SPAG16: variants seen among roughly 807,000 people sequenced by gnomAD.
SPAG16 encodes the protein sperm-associated antigen 16 protein.
A neutral mutation model predicts 80.4 loss-of-function variants in SPAG16; 86 were observed. That is an observed-to-expected ratio of 1.07 (90% CI 0.90 to 1.28). The LOEUF (loss-of-function observed/expected upper bound fraction) is 1.28, where lower values mean the gene tolerates loss of function less well. SPAG16 is among the 50% of genes most tolerant of loss of function. The pLI is 0.00. For missense variants in SPAG16, 870 were observed against 765.3 expected (o/e 1.14, Z -1.61); for synonymous variants, 294 against 265.9 (o/e 1.11, Z -1.03).
chr2:214,299,782 A>G (rs149171052), intron 15 of SPAG16, among the ~76,000 whole-genome samples: 1 of 152,162 alleles, frequency 6.6e-6, no homozygotes, highest in Middle Eastern at 3.2e-3. Flanking sequence ...AGATTACTCA[A>G]GTCAATGATT....
chr2:214,033,409 A>G (rs2048524766), intron 13 of SPAG16, among the ~76,000 whole-genome samples: 1 of 152,190 alleles, frequency 6.6e-6, no homozygotes, highest in African/African-American at 2.4e-5. Context: ...ATCTGATTAT[A>G]TTTTCGAAGA....
intron 10 of SPAG16, among the ~76,000 whole-genome samples, chr2:213,791,311 C>A (rs772033558): frequency 9.9e-5 from 15 of 151,790 alleles, no homozygotes; most frequent in Admixed American, 1.3e-4. Flanking sequence ...AACATAAATC[C>A]TTTGCATATA....
intron 10 of SPAG16, among the ~76,000 whole-genome samples, chr2:213,650,235 A>G (rs2062972975): frequency 6.6e-6 from 1 of 152,214 alleles, no homozygotes; most frequent in African/African-American, 2.4e-5. Context: ...CAGTGGACAC[A>G]TTATAGTCAC....
intron 5 of SPAG16, among the ~76,000 whole-genome samples, chr2:213,318,586 T>C (rs2063496400): frequency 6.6e-6 from 1 of 151,898 alleles, no homozygotes. Flanking sequence ...ACTTCATCAC[T>C]ATGCAATATA....
At chr2:213,504,358 A>G (rs562491557) in intron 10 of SPAG16, among the ~76,000 whole-genome samples, 1 of 152,348 alleles carries the variant, frequency 6.6e-6, no homozygotes, top group East Asian at 1.9e-4. Context: ...AAACATCTTT[A>G]AATTTTAATC....
chr2:213,404,673 A>C (rs540019104), intron 9 of SPAG16, among the ~76,000 whole-genome samples: 3 of 152,358 alleles, frequency 2.0e-5, no homozygotes, highest in East Asian at 3.9e-4. Flanking sequence ...CTAAAACACC[A>C]AAAGCAATGG....
chr2:214,028,500 T>C (rs1037755564), intron 13 of SPAG16, among the ~76,000 whole-genome samples: 1 of 152,082 alleles, frequency 6.6e-6, no homozygotes, highest in Non-Finnish European at 1.5e-5. Flanking sequence ...TTTTAATGTG[T>C]TTGCATGCTT....
chr2:213,455,812 T>G (rs1263297858), intron 9 of SPAG16, among the ~76,000 whole-genome samples: 1 of 152,186 alleles, frequency 6.6e-6, no homozygotes, highest in Non-Finnish European at 1.5e-5. Context: ...GTGGCCTGGT[T>G]CCAGTCTGCC....
rs548840513 is a variant in SPAG16, at chr2:214,055,497, T to C, written c.1527+41420T>C. Reference sequence around the variant, plus strand: ...CTGTCAAAAATGAAACGCATGCCTATGGAAAAGGTAATTACTTTTCTCCTT... The same window carrying C: ...CTGTCAAAAATGAAACGCATGCCTACGGAAAAGGTAATTACTTTTCTCCTT... On this transcript the variant is annotated intron_variant, in intron 13 of 15. Coordinates refer to ENST00000331683, the MANE Select transcript of SPAG16 (RefSeq NM_024532.5). Among the ~76,000 whole-genome samples the C allele has an allele frequency of 3.3e-5, 5 of 152,298 alleles. No homozygotes were observed. In the East Asian group the frequency reaches 9.6e-4, roughly 29 times the overall value.
intron 13 of SPAG16, among the ~76,000 whole-genome samples, chr2:214,086,034 C>G (rs2051718624): frequency 6.6e-6 from 1 of 152,150 alleles, no homozygotes; most frequent in Admixed American, 6.6e-5. Flanking sequence ...TTTTAAATTA[C>G]TCCGAACATA....
chr2:214,216,306 G>GTGATGATGA, intron 15 of SPAG16, among the ~76,000 whole-genome samples: 1 of 151,764 alleles, frequency 6.6e-6, no homozygotes, highest in East Asian at 1.9e-4. Flanking sequence ...GAAAAATGCT[G>GTGATGATGA]TGATGATGAT....
chr2:213,307,604 A>G (rs1463930595), intron 3 of SPAG16, among the ~76,000 whole-genome samples: 1 of 150,376 alleles, frequency 6.6e-6, no homozygotes, highest in African/African-American at 2.5e-5. Context: ...CCAGTCTATC[A>G]TTGTTGGACA....
At chr2:214,193,617 A>G (rs1482948114) in intron 15 of SPAG16, among the ~76,000 whole-genome samples, 4 of 152,028 alleles carry the variant, frequency 2.6e-5, no homozygotes. Flanking sequence ...CATCTCTGCA[A>G]CGTCTGTCAT....
chr2:213,306,433 G>A (rs2062944239), intron 3 of SPAG16, among the ~76,000 whole-genome samples: 2 of 2,522 alleles, frequency 7.9e-4, no homozygotes, highest in South Asian at 0.032. Flanking sequence ...TGTGGCACAA[G>A]CACTCACTTG....
chr2:214,135,018 A>G, intron 14 of SPAG16, among the ~76,000 whole-genome samples: 1 of 152,174 alleles, frequency 6.6e-6, no homozygotes, highest in Non-Finnish European at 1.5e-5. Flanking sequence ...ATCTATCTAA[A>G]ACATTACATT....
At chr2:213,614,705 C>T (rs1459888489) in intron 10 of SPAG16, among the ~76,000 whole-genome samples, 1 of 152,188 alleles carries the variant, frequency 6.6e-6, no homozygotes, top group Non-Finnish European at 1.5e-5. Context: ...CTTCTTCTTT[C>T]AGTTTATCTG....
chr2:214,077,293 T>C (rs1300142859), intron 13 of SPAG16, among the ~76,000 whole-genome samples: 3 of 152,164 alleles, frequency 2.0e-5, no homozygotes, highest in Non-Finnish European at 2.9e-5. Flanking sequence ...CCCTCACTCT[T>C]GTTTCTGTTT....
At chr2:213,677,936 A>G (rs1051910239) in intron 10 of SPAG16, among the ~76,000 whole-genome samples, 2 of 152,094 alleles carry the variant, frequency 1.3e-5, no homozygotes, top group South Asian at 2.1e-4. Context: ...CCACAGTGCA[A>G]TCAAACTAGA....
At chr2:213,553,603 A>G (rs1408170101) in intron 10 of SPAG16, among the ~76,000 whole-genome samples, 1 of 152,138 alleles carries the variant, frequency 6.6e-6, no homozygotes, top group Non-Finnish European at 1.5e-5. Flanking sequence ...ATGTATACCC[A>G]TCTCTTCCAA....
Sources: gnomAD v4.1 joint callset for allele counts (sites outside exome capture counted in the v4.1 genomes callset) on GRCh38, gnomAD v4.1.1 for gene constraint, MANE v1.5 for transcripts, NCBI Gene and HGNC (gene_info 2026-07-23, HGNC 2026-07-21) for gene names.